HIF3A: variants seen among roughly 807,000 people sequenced by gnomAD.
HIF3A encodes hypoxia inducible factor 3 subunit alpha, also known as hypoxia-inducible factor 3-alpha.
A neutral mutation model predicts 67.2 loss-of-function variants in HIF3A; 41 were observed. The observed-to-expected ratio is 0.61, with a 90% confidence interval of 0.48 to 0.79. The LOEUF is 0.79. Among genes scored for constraint, HIF3A ranks in the 30% least tolerant of loss-of-function variants. The pLI is 0.00. For synonymous variants in HIF3A, 356 were observed against 374.8 expected, an observed-to-expected ratio of 0.95 and a Z score of 0.58; for missense variants, 855 against 898.0, an observed-to-expected ratio of 0.95 and a Z score of 0.61.
chr19:46,312,878 GTTAATTTTTTT>G, intron 8 of HIF3A: 1 of 838,266 alleles, frequency 1.2e-6, no homozygotes, highest in Non-Finnish European at 1.4e-6. Flanking sequence ...TGTGTAGACT[GTTAATTTTTTT>G]TTTTTTTTTT....
intron 10 of HIF3A, among the ~76,000 whole-genome samples, chr19:46,322,836 C>T (rs1008089436): frequency 2.0e-5 from 3 of 152,104 alleles, no homozygotes; most frequent in African/African-American, 4.8e-5. Context: ...TGCACGGATA[C>T]GGATGAAGGG....
chr19:46,325,370 T>C (rs552824719), intron 10 of HIF3A, among the ~76,000 whole-genome samples, 165 bp from the exon 11 acceptor site: 199 of 152,202 alleles, frequency 1.3e-3, no homozygotes, highest in Middle Eastern at 0.01. Flanking sequence ...TTCTGAGTTT[T>C]GAACACCCAG....
At chr19:46,335,011 A>C in intron 14 of HIF3A, 25 bp downstream of exon 14, 1 of 1,582,180 alleles carries the variant, frequency 6.3e-7, no homozygotes, top group South Asian at 1.1e-5. Context: ...GGGTATCCAG[A>C]GCCCCAGAGC....
chr19:46,318,708 C>T (rs908260160), intron 8 of HIF3A, among the ~76,000 whole-genome samples: 1 of 151,858 alleles, frequency 6.6e-6, no homozygotes, highest in African/African-American at 2.4e-5. Context: ...GCAGCTTCCA[C>T]CTCTGGGGTT....
intron 12 of HIF3A, among the ~76,000 whole-genome samples, chr19:46,330,187 G>A (rs149763490): frequency 1.5e-3 from 227 of 152,272 alleles, no homozygotes; most frequent in African/African-American, 5.1e-3. Context: ...TCCCAGCTTG[G>A]TACTGGCTAT....
intron 3 of HIF3A, among the ~76,000 whole-genome samples, chr19:46,307,951 CAGAT>C (rs1284399264): frequency 4.7e-5 from 7 of 150,186 alleles, no homozygotes; most frequent in Non-Finnish European, 5.9e-5. Context: ...GATAGATAGA[CAGAT>C]AGGTAGACAG....
At chr19:46,301,251 C>T (rs1018624729) in intron 1 of HIF3A, among the ~76,000 whole-genome samples, 10 of 151,958 alleles carry the variant, frequency 6.6e-5, no homozygotes, top group Non-Finnish European at 1.2e-4. Flanking sequence ...AAAATATCCC[C>T]TTGCCCTGGG....
intron 14 of HIF3A, among the ~76,000 whole-genome samples, chr19:46,336,085 CT>C (rs1017798750): frequency 0.025 from 1,982 of 79,306 alleles, 1 homozygote; most frequent in African/African-American, 0.031. Flanking sequence ...CTCTCTCTCT[CT>C]TTTTTTTTTT....
rs189615660 is a variant in HIF3A, at chr19:46,335,957, C to T, written c.1912+971C>T. Among the ~76,000 whole-genome samples the T allele has an allele frequency of 4.2e-3, 633 of 152,124 alleles. 3 individuals carry two copies. The highest frequency in any genetic ancestry group is 0.014 in the African/African-American group (599 of 41,498). On this transcript the variant is annotated intron_variant, in intron 14 of 14. Transcript: ENST00000377670. ...TTGGGAGGCTGAGACGGGAGGATTG[C>T]TTAAGCCCAGGAGTTCGAGGCTGCA...
In HIF3A at chr19:46,329,036, T is replaced by C. The variant is rs1601341730; in HGVS notation, c.1441-171T>C. ...ACCATGCTTCTGACCCAGTTTAGGA[T>C]TTCTCTAACATGTTCTTCAGGGAGT... On this transcript the variant is annotated intron_variant, in intron 11 of 14. Coordinates refer to ENST00000377670, the MANE Select transcript of HIF3A (RefSeq NM_152795.4). The C allele has an allele frequency of 6.7e-5, 37 of 551,282 alleles. No homozygotes were observed. The East Asian group carries it at 1.1e-3, about 17-fold the overall frequency. 34.1% of individuals were successfully genotyped at this position (551,282 alleles called of 1,614,324 possible).
chr19:46,332,458 C>T (rs1039951876), intron 13 of HIF3A, among the ~76,000 whole-genome samples: 4 of 151,992 alleles, frequency 2.6e-5, no homozygotes, highest in African/African-American at 7.3e-5. Flanking sequence ...AAGCATCACC[C>T]GAGCCTGGGA....
intron 1 of HIF3A, among the ~76,000 whole-genome samples, chr19:46,300,191 T>C (rs1292627708): frequency 6.6e-6 from 1 of 152,204 alleles, no homozygotes; most frequent in Non-Finnish European, 1.5e-5. Context: ...CTATCATTAT[T>C]ACAGTATCAC....
In HIF3A at chr19:46,303,914, C is replaced by A. The variant is rs1031413091; in HGVS notation, c.43C>A (p.Arg15Ser). Reference protein sequence around the residue: ...LQRARSTTELRKEKSRDAARS... With the variant: ...LQRARSTTELSKEKSRDAARS... ...TGCCCTCAGGTCGACCACGGAGCTG[C>A]GCAAGGAAAAGTCCCGGGATGCGGC... The change falls in exon 2 of 15, where the codon CGC becomes AGC. Residue 15 changes from arginine (R) to serine (S), a missense_variant. This residue lies in a region of HIF3A where 638 missense variants were observed against 660.5 expected (regional missense o/e 0.97). Coordinates refer to ENST00000377670, the MANE Select transcript of HIF3A (RefSeq NM_152795.4). 13 of 1,608,440 alleles carry A rather than the reference C, an allele frequency of 8.1e-6. No individual in the cohort carries two copies. The highest frequency in any genetic ancestry group is 1.1e-5 in the Non-Finnish European group (13 of 1,177,922).
intron 12 of HIF3A, among the ~76,000 whole-genome samples, chr19:46,330,497 T>G (rs1341687628): frequency 1.3e-5 from 2 of 150,064 alleles, no homozygotes; most frequent in East Asian, 4.0e-4. Flanking sequence ...GAGGGATGGA[T>G]GGATGGATGG....
intron 8 of HIF3A, among the ~76,000 whole-genome samples, chr19:46,319,741 C>T (rs1354055148): frequency 6.6e-6 from 1 of 152,154 alleles, no homozygotes; most frequent in African/African-American, 2.4e-5. Context: ...CTTTCGCTCA[C>T]CCCGCTCTTT....
At chr19:46,308,613 G>A in intron 4 of HIF3A, 50 bp from the exon 5 acceptor site, 2 of 1,139,478 alleles carry the variant, frequency 1.8e-6, no homozygotes, top group Non-Finnish European at 2.5e-6. Flanking sequence ...AGGGCACTGG[G>A]CCTGTGTGTA....
rs566099504 is a variant in HIF3A, at chr19:46,312,996, T to C, written c.1025+343T>C. The C allele has an allele frequency of 7.0e-6, 7 of 994,168 alleles. No homozygotes were observed. In the South Asian group the frequency reaches 3.3e-4, roughly 47 times the overall value. The allele number at this position is 994,168 out of a possible 1,614,324, so 61.6% of individuals were successfully genotyped here. A position where few individuals can be genotyped will look rare whatever the true frequency, so the allele number is the denominator to read the frequency against. On this transcript the variant is annotated intron_variant, in intron 8 of 14. Coordinates refer to ENST00000377670, the MANE Select transcript of HIF3A (RefSeq NM_152795.4). The stretch of plus-strand genomic sequence containing the variant: ...CTGGCATGGTGGCTCATGCCTGTAA[T>C]CCTAGCACTTTGGGAGGCTGAGGTG...
chr19:46,302,905 T>C (rs928872580), intron 1 of HIF3A, among the ~76,000 whole-genome samples: 2 of 152,026 alleles, frequency 1.3e-5, no homozygotes, highest in East Asian at 1.9e-4. Flanking sequence ...AAGAGAAACT[T>C]TGGGTTCAGA....
At chr19:46,327,031 T>C (rs1346639482) in intron 11 of HIF3A, among the ~76,000 whole-genome samples, 1 of 152,102 alleles carries the variant, frequency 6.6e-6, no homozygotes, top group African/African-American at 2.4e-5. Flanking sequence ...GGCACATGCC[T>C]GTAATCCCAG....
Sources: allele counts gnomAD v4.1 joint callset (sites outside exome capture counted in the v4.1 genomes callset), GRCh38; gene constraint gnomAD v4.1.1; regional missense constraint gnomAD v4.1.1; transcripts MANE v1.5; gene names NCBI Gene and HGNC (gene_info 2026-07-23, HGNC 2026-07-21).